TTC23L: variants seen among roughly 807,000 people sequenced by gnomAD.
TTC23L encodes the protein tetratricopeptide repeat domain 23 like, also known as tetratricopeptide repeat protein 23-like.
Under a neutral mutation model 48.1 loss-of-function variants are expected in TTC23L, and 42 were observed. The observed-to-expected ratio is 0.87, with a 90% confidence interval of 0.68 to 1.13. TTC23L has a LOEUF of 1.13. Among genes scored for constraint, TTC23L ranks in the 50% most tolerant of loss-of-function variants. TTC23L has a pLI of 0.00. For missense variants in TTC23L, 391 were observed against 421.0 expected (o/e 0.93, Z 0.62); for synonymous variants, 159 against 157.2 (o/e 1.01, Z -0.09).
At chr5:34,857,435 G>C (rs546903499) in intron 4 of TTC23L, among the ~76,000 whole-genome samples, 9 of 152,092 alleles carry the variant, frequency 5.9e-5, no homozygotes, top group Non-Finnish European at 1.2e-4. Context: ...TGTCTAGTTG[G>C]TTAAAACAAA....
At chr5:34,895,532 C>G (rs1763162223) in intron 9 of TTC23L, among the ~76,000 whole-genome samples, 3 of 152,146 alleles carry the variant, frequency 2.0e-5, no homozygotes, top group Admixed American at 2.0e-4. Flanking sequence ...TTTTGATATA[C>G]CTTTTGATGG....
chr5:34,910,489 G>A, the TTC23L span, among the ~76,000 whole-genome samples: 4 of 150,958 alleles, frequency 2.6e-5, no homozygotes, highest in Admixed American at 6.6e-5. Context: ...GTGCAGTGGC[G>A]CAATCTCAGC....
intron 10 of TTC23L, among the ~76,000 whole-genome samples, chr5:34,899,095 A>C (rs572486661): frequency 1.9e-4 from 29 of 152,302 alleles, no homozygotes; most frequent in Admixed American, 1.6e-3. Context: ...GATTTAAACA[A>C]TCCAGGTGGC....
At chr5:34,917,470 A>G in the TTC23L span, among the ~76,000 whole-genome samples, 4 of 151,684 alleles carry the variant, frequency 2.6e-5, no homozygotes, top group African/African-American at 9.7e-5. Context: ...CGTCTCTACT[A>G]ACACTACAAA....
chr5:34,874,813 A>G, intron 8 of TTC23L, among the ~76,000 whole-genome samples: 1 of 152,182 alleles, frequency 6.6e-6, no homozygotes, highest in Admixed American at 6.5e-5. Context: ...AAGAAAAAGG[A>G]CCAACAAATA....
the TTC23L span, among the ~76,000 whole-genome samples, chr5:34,919,273 T>G: frequency 4.6e-5 from 2 of 43,654 alleles, no homozygotes; most frequent in Non-Finnish European, 8.6e-5. Context: ...AGACCCTGTC[T>G]CAAAAAAAAA....
chr5:34,911,596 T>A, the TTC23L span: 1 of 1,614,074 alleles, frequency 6.2e-7, no homozygotes, highest in Non-Finnish European at 8.5e-7. Context: ...TTGTAGGACT[T>A]CACTCGTCAT....
the TTC23L span, chr5:34,915,576 T>G: frequency 3.3e-6 from 3 of 905,924 alleles, no homozygotes; most frequent in East Asian, 8.6e-5. Context: ...GAAGGAGGCC[T>G]AGAGAGCCGC....
chr5:34,860,099 G>A (rs1760482361), intron 4 of TTC23L, among the ~76,000 whole-genome samples: 1 of 151,744 alleles, frequency 6.6e-6, no homozygotes, highest in Admixed American at 6.6e-5. Context: ...CGCCCGCCTC[G>A]GCCTCCCAAA....
the TTC23L span, among the ~76,000 whole-genome samples, chr5:34,924,266 T>C: frequency 6.6e-6 from 1 of 152,244 alleles, no homozygotes; most frequent in Non-Finnish European, 1.5e-5. Context: ...TAAACTGAGC[T>C]CTTTTCTGCA....
chr5:34,845,772 A>C, intron 3 of TTC23L, 99 bp downstream of exon 3: 1 of 1,206,966 alleles, frequency 8.3e-7, no homozygotes, highest in South Asian at 1.7e-5. Context: ...TATGAAATAG[A>C]GGAAGGTGTC....
At chr5:34,876,225 G>C (rs1761824229) in intron 8 of TTC23L, among the ~76,000 whole-genome samples, 1 of 151,844 alleles carries the variant, frequency 6.6e-6, no homozygotes, top group Admixed American at 6.6e-5. Flanking sequence ...AAAAAGAAGA[G>C]CAAATTAATT....
chr5:34,911,359 A>C, the TTC23L span, among the ~76,000 whole-genome samples: 1 of 152,336 alleles, frequency 6.6e-6, no homozygotes, highest in African/African-American at 2.4e-5. Context: ...CACCACCTAA[A>C]TATGAAATAG....
intron 9 of TTC23L, among the ~76,000 whole-genome samples, chr5:34,894,883 A>AATGATGATG (rs79554898): frequency 1.9e-4 from 28 of 150,934 alleles, no homozygotes; most frequent in African/African-American, 4.4e-4. Context: ...TGAGAGTGTT[A>AATGATGATG]ATGATGATGA....
chr5:34,888,592 A>C (rs578048695), intron 9 of TTC23L: 1 of 889,172 alleles, frequency 1.1e-6, no homozygotes, highest in Non-Finnish European at 1.3e-6. Context: ...TATGCATGGC[A>C]TGGCCTCTCC....
intron 4 of TTC23L, among the ~76,000 whole-genome samples, chr5:34,852,876 A>G (rs1377996251): frequency 6.6e-6 from 1 of 152,096 alleles, no homozygotes; most frequent in Admixed American, 6.5e-5. Context: ...GCCAAGGAGG[A>G]GCAAAGGCAC....
chr5:34,860,019 A>ATT, intron 4 of TTC23L, among the ~76,000 whole-genome samples: 1 of 147,546 alleles, frequency 6.8e-6, no homozygotes, highest in African/African-American at 2.5e-5. Context: ...AATTTTTTGT[A>ATT]TTTTTTTTTA....
At chr5:34,854,228 C>T (rs753035422) in intron 4 of TTC23L, among the ~76,000 whole-genome samples, 3 of 152,128 alleles carry the variant, frequency 2.0e-5, no homozygotes, top group African/African-American at 4.8e-5. Context: ...TTTTCCTGTA[C>T]GAGAGACTTT....
the TTC23L span, chr5:34,925,487 A>C: frequency 1.2e-6 from 2 of 1,609,404 alleles, no homozygotes; most frequent in African/African-American, 2.7e-5. Context: ...CAGTGGGAAA[A>C]CAAAATAAGT....
Sources: allele counts gnomAD v4.1 joint callset (sites outside exome capture counted in the v4.1 genomes callset), GRCh38; gene constraint gnomAD v4.1.1; transcripts MANE v1.5; gene names NCBI Gene and HGNC (gene_info 2026-07-23, HGNC 2026-07-21).